The following RBFOX1 variants were observed in gnomAD, a reference collection of about 807,000 sequenced individuals.
The protein encoded by RBFOX1 is RNA binding protein fox-1 homolog 1.
In RBFOX1, 8 loss-of-function variants were observed where a neutral mutation model predicts 57.7. That is an observed-to-expected ratio of 0.14 (90% CI 0.08 to 0.25). The LOEUF (loss-of-function observed/expected upper bound fraction) is 0.25, where lower values mean the gene tolerates loss of function less well. Among genes scored for constraint, RBFOX1 ranks in the 10% least tolerant of loss-of-function variants. RBFOX1 has a pLI of 1.00. For missense variants in RBFOX1, 611 were observed against 548.5 expected (o/e 1.11, Z -1.14); for synonymous variants, 326 against 222.4 (o/e 1.47, Z -4.15).
At chr16:6,378,228 A>T (rs2091418364) in intron 2 of RBFOX1, among the ~76,000 whole-genome samples, 1 of 152,198 alleles carries the variant, frequency 6.6e-6, no homozygotes, top group Admixed American at 6.5e-5. Context: ...TTTGAGCTCC[A>T]TCTGCCGCAC....
chr16:6,946,701 C>T (rs894625235), intron 3 of RBFOX1, among the ~76,000 whole-genome samples: 1 of 152,150 alleles, frequency 6.6e-6, no homozygotes, highest in East Asian at 1.9e-4. Context: ...CTCCTGGGCT[C>T]AAGTGATCCT....
chr16:7,642,284 T>A (rs1054648155), intron 11 of RBFOX1, among the ~76,000 whole-genome samples: 1 of 152,128 alleles, frequency 6.6e-6, no homozygotes, highest in Non-Finnish European at 1.5e-5. Context: ...GTCCTCCAGG[T>A]TGGCTTTGGG....
rs145975775 is a variant in RBFOX1, at chr16:5,934,334, T to G, written c.351+66999T>G. On this transcript the variant is annotated intron_variant, in intron 4 of 19. Coordinates refer to the RBFOX1 transcript ENST00000641259. ...GTGGTACCCAGCTCATTGTGTTTAT[T>G]ATATCTATTGTGCTTATTTTATGGT... Among the ~76,000 whole-genome samples the G allele has an allele frequency of 4.7e-3, 709 of 152,382 alleles. 6 individuals are homozygous for G. Among genetic ancestry groups the G allele is most frequent in the African/African-American group, 0.016 (684 of 41,584 alleles).
chr16:5,848,632 A>G (rs1199479118), intron 3 of RBFOX1, among the ~76,000 whole-genome samples: 2 of 152,166 alleles, frequency 1.3e-5, no homozygotes, highest in Non-Finnish European at 2.9e-5. Context: ...ACAGCAGGTG[A>G]TGTCAGTTAA....
intron 4 of RBFOX1, among the ~76,000 whole-genome samples, chr16:5,905,792 C>T (rs2058442290): frequency 6.6e-6 from 1 of 152,172 alleles, no homozygotes; most frequent in African/African-American, 2.4e-5. Flanking sequence ...CTTCCATCCT[C>T]CTGAAGGGTG....
At chr16:7,284,750 C>T (rs763836052) in intron 4 of RBFOX1, among the ~76,000 whole-genome samples, 22 of 152,218 alleles carry the variant, frequency 1.4e-4, no homozygotes, top group Non-Finnish European at 2.8e-4. Context: ...CTGTGCCTTA[C>T]TGGATTGCAG....
At chr16:7,391,738 C>G (rs759284642) in intron 4 of RBFOX1, among the ~76,000 whole-genome samples, 1 of 152,188 alleles carries the variant, frequency 6.6e-6, no homozygotes, top group Non-Finnish European at 1.5e-5. Flanking sequence ...CCTACGCATC[C>G]TCAGCATATG....
intron 1 of RBFOX1, among the ~76,000 whole-genome samples, chr16:5,252,815 C>T (rs529992106): frequency 1.3e-5 from 2 of 152,136 alleles, no homozygotes; most frequent in African/African-American, 2.4e-5. Flanking sequence ...GCAGATGAAA[C>T]GGAAGCCCTC....
At chr16:5,316,089 A>G (rs1596494688) in intron 1 of RBFOX1, among the ~76,000 whole-genome samples, 1 of 152,054 alleles carries the variant, frequency 6.6e-6, no homozygotes, top group East Asian at 1.9e-4. Flanking sequence ...TTCCGCTCCC[A>G]GCAAACCACA....
At chr16:7,472,285 A>G (rs1448800784) in intron 4 of RBFOX1, among the ~76,000 whole-genome samples, 1 of 151,384 alleles carries the variant, frequency 6.6e-6, no homozygotes, top group African/African-American at 2.5e-5. Context: ...GTGTAAATAC[A>G]TGGAGTACCA....
intron 4 of RBFOX1, among the ~76,000 whole-genome samples, chr16:7,159,749 CTG>C (rs973978481): frequency 2.6e-5 from 4 of 152,164 alleles, no homozygotes; most frequent in Admixed American, 6.5e-5. Flanking sequence ...CCAGAAATTT[CTG>C]TCTTTCCTCC....
chr16:6,183,479 A>C (rs112944281), intron 1 of RBFOX1, among the ~76,000 whole-genome samples: 34,886 of 122,968 alleles, frequency 0.28, 4,941 homozygotes, highest in African/African-American at 0.44. Flanking sequence ...GGCTCCATCT[A>C]AAAAAATTAA....
chr16:6,458,880 G>C (rs1256990407), intron 2 of RBFOX1, among the ~76,000 whole-genome samples: 1 of 152,208 alleles, frequency 6.6e-6, no homozygotes, highest in Non-Finnish European at 1.5e-5. Flanking sequence ...AATTACTGGA[G>C]GGTTAGGTCA....
At chr16:6,946,688 A>T (rs1024780586) in intron 3 of RBFOX1, among the ~76,000 whole-genome samples, 1 of 152,070 alleles carries the variant, frequency 6.6e-6, no homozygotes, top group African/African-American at 2.4e-5. Flanking sequence ...CTGCAATCTC[A>T]AACTCCTGGG....
intron 1 of RBFOX1, among the ~76,000 whole-genome samples, chr16:6,094,483 A>G (rs1280037291): frequency 2.0e-5 from 3 of 152,238 alleles, no homozygotes; most frequent in African/African-American, 7.2e-5. Flanking sequence ...AGAAACTGAC[A>G]TGCTCACTAG....
At chr16:6,379,589 A>G (rs1383318520) in intron 2 of RBFOX1, among the ~76,000 whole-genome samples, 1 of 152,054 alleles carries the variant, frequency 6.6e-6, no homozygotes, top group Non-Finnish European at 1.5e-5. Flanking sequence ...TGCCAAGGGT[A>G]GAAAATTGAC....
At chr16:6,599,214 A>G (rs1442548753) in intron 2 of RBFOX1, among the ~76,000 whole-genome samples, 1 of 146,982 alleles carries the variant, frequency 6.8e-6, no homozygotes. Flanking sequence ...GTTGCAAATC[A>G]TTATCCAGAA....
chr16:7,438,257 C>T (rs375543777), intron 4 of RBFOX1, among the ~76,000 whole-genome samples: 34 of 152,100 alleles, frequency 2.2e-4, no homozygotes, highest in African/African-American at 7.7e-4. Flanking sequence ...GATGCTGATG[C>T]GAGAAACACC....
chr16:6,735,513 G>A (rs1036518951), intron 3 of RBFOX1, among the ~76,000 whole-genome samples: 7 of 152,184 alleles, frequency 4.6e-5, no homozygotes, highest in East Asian at 1.9e-4. Context: ...ATTTGGAGAC[G>A]TTTGAGTGGC....
Sources: allele counts gnomAD v4.1 joint callset (sites outside exome capture counted in the v4.1 genomes callset), GRCh38; gene constraint gnomAD v4.1.1; transcripts MANE v1.5; gene names NCBI Gene and HGNC (gene_info 2026-07-23, HGNC 2026-07-21).